Variants in FAM185A observed in about 807,000 individuals in gnomAD.
The protein encoded by FAM185A is family with sequence similarity 185 member A.
A neutral mutation model predicts 45.7 loss-of-function variants in FAM185A; 21 were observed. The ratio of observed to expected loss-of-function variants is 0.46; its 90% CI spans 0.33 to 0.66. The LOEUF (loss-of-function observed/expected upper bound fraction) is 0.66. Among genes scored for constraint, FAM185A ranks in the 30% least tolerant of loss-of-function variants. The probability of loss-of-function intolerance (pLI) is 0.03; values close to 1 mark genes in which losing one functional copy is unlikely to be tolerated. For synonymous variants in FAM185A, 117 were observed against 194.0 expected (o/e 0.60, Z 3.30); for missense variants, 305 against 485.4 (o/e 0.63, Z 3.49).
At chr7:102,832,090 C>T in the FAM185A span, among the ~76,000 whole-genome samples, 6 of 152,182 alleles carry the variant, frequency 3.9e-5, no homozygotes, top group African/African-American at 1.2e-4. Context: ...GAATAAAATA[C>T]CAGCGATGGT....
chr7:102,816,647 C>A, the FAM185A span, among the ~76,000 whole-genome samples: 1 of 152,126 alleles, frequency 6.6e-6, no homozygotes, highest in African/African-American at 2.4e-5. Flanking sequence ...AGGGTGTACA[C>A]GTGCAGGTTT....
chr7:102,785,484 A>G (rs1795728747), intron 6 of FAM185A, among the ~76,000 whole-genome samples: 1 of 152,206 alleles, frequency 6.6e-6, no homozygotes, highest in South Asian at 2.1e-4. Flanking sequence ...AAACAGAGAT[A>G]CAGATCAATG....
At position 102,790,403 on chromosome 7, in the gene FAM185A, G is replaced by A. The variant is rs531573615; in HGVS notation, c.1066+2934G>A. On this transcript the variant is annotated intron_variant, in intron 7 of 7. Transcript: ENST00000413034. ...TGACTGAAACATAATTATGCAGTGT[G>A]TGACTGGATATCAAATATAGTGAGA... 2.6e-5 allele frequency among the ~76,000 whole-genome samples: 4 copies of A among 152,320 alleles called. No homozygotes were observed. In the East Asian group the frequency reaches 7.7e-4, roughly 29 times the overall value.
the FAM185A span, among the ~76,000 whole-genome samples, chr7:102,818,926 A>G: frequency 6.6e-6 from 1 of 152,056 alleles, no homozygotes; most frequent in Non-Finnish European, 1.5e-5. Context: ...TCTATTAGTT[A>G]TTCTTCCTGA....
intron 6 of FAM185A, among the ~76,000 whole-genome samples, chr7:102,783,262 A>G (rs1450089730): frequency 6.6e-6 from 1 of 152,142 alleles, no homozygotes. Flanking sequence ...GTTAACAAGG[A>G]TATTCAGGAA....
Position 102,749,043 on chromosome 7 carries a change from T to A in FAM185A, c.-165T>A. 1 of 1,085,780 alleles carries A rather than the reference T, an allele frequency of 9.2e-7. No homozygotes were observed. 67.3% of individuals were successfully genotyped at this position (1,085,780 alleles called of 1,614,324 possible). ...TTGCCCCTGGGGATTGCGCGGCTGATGTTTAGAACGCCTAGTCAAGCCAAC... is the reference window on the plus strand; with the variant it reads ...TTGCCCCTGGGGATTGCGCGGCTGAAGTTTAGAACGCCTAGTCAAGCCAAC... On this transcript the variant is annotated 5_prime_UTR_variant, in exon 1 of 8. It removes an upstream start codon present in the reference 5' UTR. Coordinates refer to ENST00000413034, the MANE Select transcript of FAM185A (RefSeq NM_001145268.2).
intron 7 of FAM185A, among the ~76,000 whole-genome samples, chr7:102,799,511 C>T (rs1247498311): frequency 3.3e-5 from 5 of 152,320 alleles, no homozygotes; most frequent in Admixed American, 2.0e-4. Context: ...TATCATGGTA[C>T]TATTATAACA....
chr7:102,791,532 A>G (rs900035756), intron 7 of FAM185A, among the ~76,000 whole-genome samples: 2 of 152,136 alleles, frequency 1.3e-5, no homozygotes, highest in African/African-American at 2.4e-5. Context: ...TATGGCTTAT[A>G]CTCCGGCCCC....
chr7:102,770,647 C>T (rs1002434717), intron 4 of FAM185A, among the ~76,000 whole-genome samples: 17 of 152,118 alleles, frequency 1.1e-4, no homozygotes, highest in Non-Finnish European at 1.9e-4. Context: ...ATCAAAACCA[C>T]AATGAGATAT....
chr7:102,762,796 CAT>C (rs1794187573), intron 4 of FAM185A, among the ~76,000 whole-genome samples: 1 of 149,356 alleles, frequency 6.7e-6, no homozygotes, highest in Non-Finnish European at 1.5e-5. Flanking sequence ...AGCTTAAGTA[CAT>C]ATGGAGCTGT....
intron 7 of FAM185A, among the ~76,000 whole-genome samples, chr7:102,787,840 A>G (rs1460889252): frequency 6.6e-6 from 1 of 152,214 alleles, no homozygotes; most frequent in Non-Finnish European, 1.5e-5. Flanking sequence ...TGGTATGTAC[A>G]TTTTAAACTT....
At chr7:102,829,616 A>C in the FAM185A span, among the ~76,000 whole-genome samples, 1 of 152,178 alleles carries the variant, frequency 6.6e-6, no homozygotes, top group Non-Finnish European at 1.5e-5. Flanking sequence ...GCCCCAGAGC[A>C]ACCAGCTTTT....
intron 3 of FAM185A, among the ~76,000 whole-genome samples, chr7:102,758,837 A>C (rs935693115): frequency 6.8e-6 from 1 of 146,556 alleles, no homozygotes; most frequent in Non-Finnish European, 1.5e-5. Context: ...CCTTCCTACA[A>C]ATTTGCTATA....
At chr7:102,767,008 T>C (rs1159342057) in intron 4 of FAM185A, among the ~76,000 whole-genome samples, 2 of 151,968 alleles carry the variant, frequency 1.3e-5, no homozygotes, top group Admixed American at 6.6e-5. Context: ...GTTGGCCAGG[T>C]TGGTCTCAAA....
chr7:102,754,760 T>G (rs1423366186), intron 2 of FAM185A, among the ~76,000 whole-genome samples: 1 of 152,262 alleles, frequency 6.6e-6, no homozygotes, highest in Non-Finnish European at 1.5e-5. Context: ...ACCACATTTG[T>G]ACAGCATCCT....
At chr7:102,754,628 G>A (rs1307511160) in intron 2 of FAM185A, among the ~76,000 whole-genome samples, 2 of 152,332 alleles carry the variant, frequency 1.3e-5, no homozygotes, top group East Asian at 3.9e-4. Flanking sequence ...AGAGATTGAG[G>A]AACTCACTTG....
At chr7:102,832,050 AT>A in the FAM185A span, among the ~76,000 whole-genome samples, 8 of 152,152 alleles carry the variant, frequency 5.3e-5, no homozygotes, top group African/African-American at 1.9e-4. Flanking sequence ...ACTATTTCTA[AT>A]CTTTTTGTGC....
At chr7:102,810,753 C>G (rs1401773106), downstream of FAM185A, among the ~76,000 whole-genome samples, 1 of 151,926 alleles carries the variant, frequency 6.6e-6, no homozygotes, top group Non-Finnish European at 1.5e-5. Flanking sequence ...CCACCATGCT[C>G]TAATTTTTAA....
At chr7:102,843,976 C>T in the FAM185A span, among the ~76,000 whole-genome samples, 2 of 152,088 alleles carry the variant, frequency 1.3e-5, no homozygotes, top group African/African-American at 4.8e-5. Context: ...ACCTAGGTTA[C>T]ACCCTTAAAA....
Sources: gnomAD v4.1 joint callset for allele counts (sites outside exome capture counted in the v4.1 genomes callset) on GRCh38, gnomAD v4.1.1 for gene constraint, MANE v1.5 for transcripts, NCBI Gene and HGNC (gene_info 2026-07-23, HGNC 2026-07-21) for gene names.